Variants in GSE1 observed in about 807,000 individuals in gnomAD.
GSE1 encodes genetic suppressor element 1.
In GSE1, 32 loss-of-function variants were observed where a neutral mutation model predicts 112.6. That is an observed-to-expected ratio of 0.28 (90% confidence interval 0.21 to 0.38). The LOEUF (loss-of-function observed/expected upper bound fraction) is 0.38, where lower values mean the gene tolerates loss of function less well. Among genes scored for constraint, GSE1 ranks in the 10% least tolerant of loss-of-function variants. The probability of loss-of-function intolerance (pLI) is 1.00; values close to 1 mark genes in which losing one functional copy is unlikely to be tolerated. For missense variants in GSE1, 2,348 were observed against 1,699.2 expected, an observed-to-expected ratio of 1.38 and a Z score of -6.71; for synonymous variants, 1,115 against 735.6, an observed-to-expected ratio of 1.52 and a Z score of -8.35.
At chr16:85,609,071 G>A (rs775769759), upstream of GSE1, among the ~76,000 whole-genome samples, 2 of 152,158 alleles carry the variant, frequency 1.3e-5, no homozygotes, top group African/African-American at 2.4e-5. Flanking sequence ...GTCACGGGTG[G>A]CGCCCGCACC....
rs539038954 is a variant in GSE1 at position 85,379,155 on chromosome 16, C to T, written c.2464+21512C>T. ...TGGACTTCCGGGGCCCGGCCTACCTCTTCCTCGATGGCTGCCCCTCCCTGG... is the reference window on the plus strand; with the variant it reads ...TGGACTTCCGGGGCCCGGCCTACCTTTTCCTCGATGGCTGCCCCTCCCTGG... On this transcript the variant is annotated intron_variant, in intron 2 of 2. Coordinates refer to the GSE1 transcript ENST00000637419. Among the ~76,000 whole-genome samples the T allele has an allele frequency of 3.3e-5, 5 of 152,334 alleles. No homozygotes were observed. In the South Asian group the frequency reaches 1.0e-3, roughly 32 times the overall value.
At chr16:85,656,220 C>T (rs1178399130) in intron 6 of GSE1, 123 bp from the exon 7 acceptor site, 22 of 1,243,742 alleles carry the variant, frequency 1.8e-5, no homozygotes, top group African/African-American at 1.1e-4. Flanking sequence ...ACCCGGCTCA[C>T]CTCCCGTCAC....
intron 1 of GSE1, among the ~76,000 whole-genome samples, chr16:85,617,762 G>A (rs575612141): frequency 6.6e-6 from 1 of 152,224 alleles, no homozygotes; most frequent in East Asian, 1.9e-4. Context: ...AATGTGGGTA[G>A]GAATTCCTTC....
chr16:85,332,065 T>TA (rs148980864), intron 1 of GSE1, among the ~76,000 whole-genome samples: 8,015 of 152,230 alleles, frequency 0.053, 283 homozygotes, highest in Admixed American at 0.088. Flanking sequence ...TGGGGGCTCC[T>TA]GTCCTAGCCT....
intron 1 of GSE1, among the ~76,000 whole-genome samples, chr16:85,600,019 C>G (rs985756603): frequency 2.6e-5 from 4 of 152,204 alleles, no homozygotes; most frequent in African/African-American, 4.8e-5. Context: ...GTGTGAGCCC[C>G]TTGAAGCCGT....
intron 2 of GSE1, among the ~76,000 whole-genome samples, chr16:85,455,102 T>C (rs1207287858): frequency 1.3e-5 from 2 of 152,230 alleles, no homozygotes; most frequent in African/African-American, 4.8e-5. Flanking sequence ...GTTGGGGTGA[T>C]GGCCTGAGCA....
chr16:85,170,341 A>C, exon 1 of GSE1: 1 of 985,468 alleles, frequency 1.0e-6, no homozygotes, highest in Non-Finnish European at 1.2e-6. Flanking sequence ...CAGCGTCCTG[A>C]GGAGCATTCA....
chr16:85,236,527 G>A (rs1382867360), intron 1 of GSE1, among the ~76,000 whole-genome samples: 1 of 152,220 alleles, frequency 6.6e-6, no homozygotes, highest in Non-Finnish European at 1.5e-5. Flanking sequence ...ATAGGCCTGG[G>A]TGTGGGTACC....
At chr16:85,535,215 T>G (rs930285550) in intron 2 of GSE1, among the ~76,000 whole-genome samples, 2 of 152,138 alleles carry the variant, frequency 1.3e-5, no homozygotes, top group African/African-American at 4.8e-5. Context: ...CCCGGCTGAC[T>G]CTGGTTCCTG....
chr16:85,357,196 G>C (rs1482638676), intron 1 of GSE1, among the ~76,000 whole-genome samples: 1 of 152,332 alleles, frequency 6.6e-6, no homozygotes, highest in East Asian at 1.9e-4. Context: ...GGATGGCCAA[G>C]AAGATGGGGC....
rs1444729726 is a variant in GSE1 at position 85,393,735 on chromosome 16, C to T, written c.2464+36092C>T. 2.6e-5 allele frequency among the ~76,000 whole-genome samples: 4 copies of T among 152,356 alleles called. No homozygotes were observed. In the East Asian group the frequency reaches 5.8e-4, roughly 22 times the overall value. On this transcript the variant is annotated intron_variant, in intron 2 of 2. Transcript: ENST00000637419. ...GCAGGCGGTTCAGGGTTCTGATCTT[C>T]TTAGGGGCCCAGTCCAGAATGAGGT...
intron 1 of GSE1, among the ~76,000 whole-genome samples, chr16:85,562,260 G>T (rs556518607): frequency 6.6e-6 from 1 of 152,342 alleles, no homozygotes; most frequent in East Asian, 1.9e-4. Context: ...TGAGAGATGG[G>T]GAGGCCGCCA....
At chr16:85,276,054 A>T (rs867702675) in intron 1 of GSE1, among the ~76,000 whole-genome samples, 1 of 152,274 alleles carries the variant, frequency 6.6e-6, no homozygotes, top group South Asian at 2.1e-4. Context: ...ACAGTGCCAC[A>T]GAAAAGATGG....
intron 1 of GSE1, among the ~76,000 whole-genome samples, chr16:85,203,911 T>G (rs1433506693): frequency 6.6e-6 from 1 of 152,114 alleles, no homozygotes; most frequent in Non-Finnish European, 1.5e-5. Context: ...CTGATTTTTA[T>G]TATTTCTTGT....
chr16:85,381,108 C>A (rs1197420444), intron 2 of GSE1, among the ~76,000 whole-genome samples: 6 of 152,316 alleles, frequency 3.9e-5, no homozygotes, highest in South Asian at 2.1e-4. Context: ...GTTCCTCACT[C>A]CCCCACCTTC....
rs542813483 is a variant in GSE1, at chr16:85,500,422, A to C, written c.2465-133492A>C. ...AATTGGCTAAAATAAATCACTCGGC[A>C]CTTCAAAAGCAGCTCCCCACTGACA... On this transcript the variant is annotated intron_variant, in intron 2 of 2. Transcript: ENST00000637419. Among the ~76,000 whole-genome samples, 30 of 152,342 alleles carry C rather than the reference A, an allele frequency of 2.0e-4. No homozygotes were observed. In the South Asian group the frequency reaches 6.2e-3, roughly 32 times the overall value.
chr16:85,490,985 G>A (rs917569358), intron 2 of GSE1, among the ~76,000 whole-genome samples: 6 of 152,106 alleles, frequency 3.9e-5, no homozygotes, highest in East Asian at 1.9e-4. Flanking sequence ...CCTCCCCAAC[G>A]CGGGGCTGGA....
rs77506475 is a variant in GSE1, at chr16:85,539,706, G to A, written c.2465-94208G>A. Among the ~76,000 whole-genome samples, 632 of 152,222 alleles carry A rather than the reference G, an allele frequency of 4.2e-3. 4 individuals carry two copies. Among genetic ancestry groups the A allele is most frequent in the African/African-American group, 0.013 (554 of 41,530 alleles). ...ACATGTCACGTTGAAGGGAAATTTG[G>A]GGTTAATCACCTCCTCTCACCTATC... is the stretch of plus-strand genomic sequence containing the variant. On this transcript the variant is annotated intron_variant, in intron 2 of 2. Coordinates refer to the GSE1 transcript ENST00000637419.
At chr16:85,551,814 C>T (rs1322309902), upstream of GSE1, among the ~76,000 whole-genome samples, 1 of 152,226 alleles carries the variant, frequency 6.6e-6, no homozygotes, top group African/African-American at 2.4e-5. Flanking sequence ...TTGGCCTGAG[C>T]ATTTTAAGGT....
Sources: gnomAD v4.1 joint callset for allele counts (sites outside exome capture counted in the v4.1 genomes callset) on GRCh38, gnomAD v4.1.1 for gene constraint, MANE v1.5 for transcripts, NCBI Gene and HGNC (gene_info 2026-07-23, HGNC 2026-07-21) for gene names.